AGAP1: variants seen among roughly 807,000 people sequenced by gnomAD.
AGAP1 encodes the protein ArfGAP with GTPase domain, ankyrin repeat and PH domain 1.
A neutral mutation model predicts 105.3 loss-of-function variants in AGAP1; 29 were observed. That is an observed-to-expected ratio of 0.28 (90% CI 0.21 to 0.38). AGAP1 has a LOEUF of 0.38. AGAP1 is among the 10% of genes least tolerant of loss of function. AGAP1 has a pLI of 1.00. For synonymous variants in AGAP1, 509 were observed against 485.9 expected, an observed-to-expected ratio of 1.05 and a Z score of -0.63; for missense variants, 998 against 1,165.1, an observed-to-expected ratio of 0.86 and a Z score of 2.09.
chr2:235,939,249 T>C (rs1252046805), intron 12 of AGAP1, among the ~76,000 whole-genome samples: 1 of 151,958 alleles, frequency 6.6e-6, no homozygotes, highest in Non-Finnish European at 1.5e-5. Context: ...TCTGCATCCT[T>C]TCCCGATGAA....
At chr2:236,004,565 C>T (rs763814806) in intron 13 of AGAP1, among the ~76,000 whole-genome samples, 1 of 152,224 alleles carries the variant, frequency 6.6e-6, no homozygotes, top group African/African-American at 2.4e-5. Flanking sequence ...GCTATACCCT[C>T]CTCCCACAAT....
At chr2:235,797,643 C>A in intron 6 of AGAP1, 116 bp from the exon 7 acceptor site, 1 of 1,321,776 alleles carries the variant, frequency 7.6e-7, no homozygotes, top group Non-Finnish European at 1.1e-6. Context: ...ACCAGGAATG[C>A]TATTACTGCG....
intron 1 of AGAP1, among the ~76,000 whole-genome samples, chr2:235,587,210 G>A (rs907189309): frequency 3.3e-5 from 5 of 152,186 alleles, no homozygotes; most frequent in African/African-American, 1.2e-4. Flanking sequence ...ATTCTGTGCA[G>A]AGCATTCTGG....
At chr2:236,031,751 G>A (rs1011966167) in intron 13 of AGAP1, among the ~76,000 whole-genome samples, 6 of 151,996 alleles carry the variant, frequency 3.9e-5, no homozygotes, top group South Asian at 2.1e-4. Flanking sequence ...TGACTCCAGG[G>A]CACCCAGAAC....
chr2:235,895,986 A>G (rs549941331), intron 10 of AGAP1, among the ~76,000 whole-genome samples: 11 of 152,318 alleles, frequency 7.2e-5, no homozygotes, highest in African/African-American at 2.2e-4. Context: ...AACATTTGCC[A>G]CCTTAATCAT....
chr2:235,652,186 C>T (rs1947617799), intron 1 of AGAP1, among the ~76,000 whole-genome samples: 1 of 152,170 alleles, frequency 6.6e-6, no homozygotes, highest in African/African-American at 2.4e-5. Context: ...CCTGACTGGT[C>T]AACTGGAAGC....
At position 235,905,338 on chromosome 2, in the gene AGAP1, A is replaced by G. The variant is rs2051253765; in HGVS notation, c.1156-3400A>G. Among the ~76,000 whole-genome samples the G allele has an allele frequency of 6.6e-6, 1 of 152,232 alleles. No individual in the cohort carries two copies. The highest frequency in any genetic ancestry group is 2.4e-5 in the African/African-American group (1 of 41,466). On this transcript the variant is annotated intron_variant, in intron 10 of 17. Transcript: ENST00000304032. This position sits in a 1 kb window ranked among gnomAD's most constrained non-coding sequence, Gnocchi z 4.2. ...ATATTTTTAAAGGAGTAACTGTGCA[A>G]GAAGGAATTCATTATTTACAAGCAT...
chr2:235,628,177 G>C (rs1199979276), intron 1 of AGAP1, among the ~76,000 whole-genome samples: 4 of 152,148 alleles, frequency 2.6e-5, no homozygotes, highest in Admixed American at 6.5e-5. Flanking sequence ...GGAGAAGGCA[G>C]GGCCAGCCCC....
chr2:235,591,629 G>A (rs895505230), intron 1 of AGAP1, among the ~76,000 whole-genome samples: 7 of 152,242 alleles, frequency 4.6e-5, no homozygotes, highest in Non-Finnish European at 5.9e-5. Flanking sequence ...ATCTCACTTC[G>A]AAATGTGATC....
chr2:235,890,556 G>T (rs2050489427), intron 10 of AGAP1, among the ~76,000 whole-genome samples: 1 of 152,204 alleles, frequency 6.6e-6, no homozygotes, highest in African/African-American at 2.4e-5. Context: ...TTCCCTCACA[G>T]AGTATGTTCA....
At chr2:235,634,858 G>T (rs977337290) in intron 1 of AGAP1, among the ~76,000 whole-genome samples, 1 of 152,102 alleles carries the variant, frequency 6.6e-6, no homozygotes, top group Non-Finnish European at 1.5e-5. Flanking sequence ...GCTCTGTTTT[G>T]TTCCGGCACA....
intron 1 of AGAP1, among the ~76,000 whole-genome samples, chr2:235,680,453 C>G (rs915947924): frequency 2.0e-5 from 3 of 152,044 alleles, no homozygotes; most frequent in Non-Finnish European, 4.4e-5. Flanking sequence ...CATTTGGACC[C>G]GTCTCAGGTG....
intron 1 of AGAP1, among the ~76,000 whole-genome samples, chr2:235,641,091 A>G (rs1947174048): frequency 1.3e-5 from 2 of 152,196 alleles, no homozygotes; most frequent in South Asian, 4.1e-4. Flanking sequence ...TCAGGTTGTG[A>G]TTAGAGAGTA....
chr2:236,131,010 T>A lies in AGAP1; in HGVS notation c.*6888T>A, dbSNP rs1206424630. ...GGCAGTTGCATGGTGGGTGGCAAAG[T>A]GTGCATTTAGAAGCTGCTTCGTGGC... is the stretch of plus-strand genomic sequence containing the variant. On this transcript the variant is annotated 3_prime_UTR_variant, in exon 18 of 18. Transcript: ENST00000304032. The surrounding 1 kb of genome is among the most constrained non-coding windows in gnomAD (Gnocchi z 5.9). 6.6e-6 allele frequency: 1 copy of A among 152,228 alleles called. No individual in the cohort carries two copies. The highest frequency in any genetic ancestry group is 1.9e-4 in the East Asian group (1 of 5,194). 9.4% of individuals were successfully genotyped at this position (152,228 alleles called of 1,614,324 possible).
chr2:235,711,666 G>A (rs897182427), intron 2 of AGAP1, among the ~76,000 whole-genome samples: 3 of 152,166 alleles, frequency 2.0e-5, no homozygotes, highest in African/African-American at 7.2e-5. Flanking sequence ...CCTTCTTGTT[G>A]TGGCATCAGC....
intron 9 of AGAP1, among the ~76,000 whole-genome samples, chr2:235,847,757 G>A (rs1458067412): frequency 6.6e-6 from 1 of 152,190 alleles, no homozygotes; most frequent in Non-Finnish European, 1.5e-5. Context: ...CGCCTAACGT[G>A]TATCTCATGT....
chr2:235,528,063 A>G (rs1308086235), intron 1 of AGAP1, among the ~76,000 whole-genome samples: 1 of 152,196 alleles, frequency 6.6e-6, no homozygotes, highest in Non-Finnish European at 1.5e-5. Flanking sequence ...TGATAACCTC[A>G]TTAGGCTCTT....
intron 3 of AGAP1, among the ~76,000 whole-genome samples, chr2:235,718,082 A>G (rs1951208599): frequency 1.3e-5 from 2 of 152,148 alleles, no homozygotes; most frequent in African/African-American, 4.8e-5. Context: ...ATGTTTGAGT[A>G]TGTTTCCCCC....
At chr2:235,588,075 C>G (rs1436052491) in intron 1 of AGAP1, among the ~76,000 whole-genome samples, 1 of 151,870 alleles carries the variant, frequency 6.6e-6, no homozygotes, top group Non-Finnish European at 1.5e-5. Context: ...ACTAAAAATA[C>G]AAAAATCAGT....
Sources: gnomAD v4.1 joint callset for allele counts (sites outside exome capture counted in the v4.1 genomes callset) on GRCh38, gnomAD v4.1.1 for gene constraint, Gnocchi (gnomAD v3.1) non-coding constraint, MANE v1.5 for transcripts, NCBI Gene and HGNC (gene_info 2026-07-23, HGNC 2026-07-21) for gene names.